WDR44: variants seen among roughly 807,000 people sequenced by gnomAD.
WDR44 encodes the protein WD repeat domain 44.
WDR44 carries 9 observed loss-of-function variants against 65.7 expected under a neutral mutation model. The ratio of observed to expected loss-of-function variants is 0.14; its 90% CI spans 0.08 to 0.24. The LOEUF (loss-of-function observed/expected upper bound fraction) is 0.24, where lower values mean the gene tolerates loss of function less well. WDR44 is among the 10% of genes least tolerant of loss of function. The pLI is 1.00. For synonymous variants in WDR44, 220 were observed against 235.2 expected (o/e 0.94, Z 0.59); for missense variants, 425 against 670.9 (o/e 0.63, Z 4.05).
At chrX:118,441,672 G>A (rs1216992807) in intron 15 of WDR44, 113 bp downstream of exon 15, 2 of 581,173 alleles carry the variant, frequency 3.4e-6, no homozygotes, top group African/African-American at 4.6e-5. Context: ...TCTAAATAGA[G>A]ACAAATAATA....
At chrX:118,367,101 T>C (rs2056561062) in intron 1 of WDR44, among the ~76,000 whole-genome samples, 1 of 108,970 alleles carries the variant, frequency 9.2e-6, no homozygotes, top group Admixed American at 9.7e-5. Context: ...AAAAAAAAAA[T>C]GAAATGGTTT....
chrX:118,424,515 C>G (rs2057139942), intron 12 of WDR44, among the ~76,000 whole-genome samples: 1 of 107,698 alleles, frequency 9.3e-6, no homozygotes, highest in African/African-American at 3.4e-5. Context: ...GGTCCTTTGC[C>G]TATTTTAAAA....
intron 1 of WDR44, among the ~76,000 whole-genome samples, chrX:118,371,257 C>T (rs751336429): frequency 5.4e-5 from 6 of 111,552 alleles, no homozygotes; most frequent in South Asian, 3.7e-4. Flanking sequence ...ATGATGAACT[C>T]GTAGAAGCAG....
intron 12 of WDR44, among the ~76,000 whole-genome samples, chrX:118,430,194 GTTT>G (rs201065574): frequency 1.0e-5 from 1 of 97,464 alleles, no homozygotes; most frequent in South Asian, 4.6e-4. Context: ...TAATTTTTCT[GTTT>G]TTTTTTTTTT....
At chrX:118,424,574 G>C (rs2057140485) in intron 12 of WDR44, among the ~76,000 whole-genome samples, 1 of 108,550 alleles carries the variant, frequency 9.2e-6, no homozygotes, top group Non-Finnish European at 1.9e-5. Context: ...CAGTTGTAGG[G>C]GTTTCTTACA....
At chrX:118,348,509 T>C (rs1260144728) in intron 1 of WDR44, among the ~76,000 whole-genome samples, 2 of 112,209 alleles carry the variant, frequency 1.8e-5, no homozygotes, top group African/African-American at 6.5e-5. Context: ...GTTCTATGGA[T>C]AAAACTACAG....
rs111244429 is a variant in WDR44, at chrX:118,391,209, G to A, written c.187-1423G>A. Among the ~76,000 whole-genome samples, 1,007 of 111,681 alleles carry A rather than the reference G, an allele frequency of 9.0e-3. 19 individuals carry two copies. The highest frequency in any genetic ancestry group is 0.031 in the African/African-American group (960 of 30,737). Reference sequence around the variant, plus strand: ...GCTAAGCTTTTTGAAAACTCAGACCGTGCTAATGTCTCTGTATCTTCACCT... The same window carrying A: ...GCTAAGCTTTTTGAAAACTCAGACCATGCTAATGTCTCTGTATCTTCACCT... On this transcript the variant is annotated intron_variant, in intron 3 of 19. Coordinates refer to ENST00000254029, the MANE Select transcript of WDR44 (RefSeq NM_019045.5).
chrX:118,445,613 T>A (rs2057339254), intron 19 of WDR44, among the ~76,000 whole-genome samples: 1 of 112,624 alleles, frequency 8.9e-6, no homozygotes, highest in Non-Finnish European at 1.9e-5. Context: ...TACAAGTTTG[T>A]AATTTCTTGC....
intron 15 of WDR44, 36 bp from the exon 16 acceptor site, chrX:118,442,208 T>C (rs1163571801): frequency 1.8e-6 from 2 of 1,128,649 alleles, no homozygotes; most frequent in East Asian, 6.0e-5. Context: ...CACATGCTCC[T>C]AATTCTAATA....
At chrX:118,407,515 A>AAG (rs2056978161) in intron 10 of WDR44, among the ~76,000 whole-genome samples, 1 of 110,555 alleles carries the variant, frequency 9.0e-6, no homozygotes, top group African/African-American at 3.3e-5. Flanking sequence ...AAAAAAAAAA[A>AAG]AAAGAAAGAA....
chrX:118,442,645 C>T lies in WDR44; in HGVS notation c.2349C>T (p.Tyr783=). Reference sequence around the variant, plus strand: ...CACTATCCATGAAGTATAAGGGTTACGTCAATAGCAGCAGCCAGATCAAAG... The same window carrying T: ...CACTATCCATGAAGTATAAGGGTTATGTCAATAGCAGCAGCCAGATCAAAG... ...DLSLSMKYKG[Y]VNSSSQIKAS... is the part of the protein sequence containing the mutation. The change falls in exon 17 of 20, where the codon TAC becomes TAT. Residue 783 remains tyrosine (Y), a synonymous_variant. Transcript: ENST00000254029. 2.5e-6 allele frequency: 3 copies of T among 1,210,662 alleles called. No homozygotes were observed. The highest frequency in any genetic ancestry group is 2.2e-6 in the Non-Finnish European group (2 of 894,803).
At chrX:118,424,265 T>TTATATATA (rs368098490) in intron 12 of WDR44, among the ~76,000 whole-genome samples, 2 of 77,229 alleles carry the variant, frequency 2.6e-5, no homozygotes, top group African/African-American at 1.3e-4. Flanking sequence ...ACTTGTTATC[T>TTATATATA]TATATATATA....
At chrX:118,445,152 G>A (rs765824421) in intron 19 of WDR44, 28 of 235,045 alleles carry the variant, frequency 1.2e-4, no homozygotes, top group Admixed American at 6.9e-4. Flanking sequence ...AAAATTAGCC[G>A]GGCATGGTGG....
rs111300617 is a variant in WDR44 at position 118,439,648 on chromosome X, C to CT, written c.1975-1719dup. Among the ~76,000 whole-genome samples the CT allele has an allele frequency of 2.5e-4, 28 of 111,253 alleles. 1 individual carries two copies. The highest frequency in any genetic ancestry group is 8.8e-4 in the African/African-American group (27 of 30,601). ...TATGTGACAATTCTGAATTAGAAGA[C>CT]TAAGTTAAAGTATTTTTACTTGTTC... On this transcript the variant is annotated intron_variant, in intron 14 of 19. Transcript: ENST00000254029.
intron 3 of WDR44, among the ~76,000 whole-genome samples, chrX:118,389,884 TTTTA>T (rs755587014): frequency 9.3e-6 from 1 of 107,874 alleles, no homozygotes; most frequent in Non-Finnish European, 1.9e-5. Context: ...ACTGTCTGCT[TTTTA>T]TTTATTTATT....
chrX:118,398,450 T>G lies in WDR44; in HGVS notation c.1254T>G (p.Gly418=). Residue 418 remains glycine (G), a synonymous_variant, in exon 8 of 20, where the codon GGT becomes GGG. Transcript: ENST00000254029. ...AGTCTCAGCCAACAGATACTGATGG[T>G]GGAAGGTTAAAACAGAAAACGTGAG... ...KLQSQPTDTD[G]GRLKQKTTQL... 1 of 1,208,172 alleles carries G rather than the reference T, an allele frequency of 8.3e-7. No homozygotes were observed. The highest frequency in any genetic ancestry group is 1.8e-5 in the South Asian group (1 of 56,719).
At chrX:118,384,653 C>T (rs1202367372) in intron 2 of WDR44, among the ~76,000 whole-genome samples, 4 of 111,741 alleles carry the variant, frequency 3.6e-5, no homozygotes, top group Non-Finnish European at 7.5e-5. Context: ...TTTGCCTTGG[C>T]TATTCAGGCT....
chrX:118,380,085 T>A (rs2056701147), intron 2 of WDR44, among the ~76,000 whole-genome samples: 1 of 112,254 alleles, frequency 8.9e-6, no homozygotes, highest in Admixed American at 9.5e-5. Context: ...ACATATTTAG[T>A]AAATAAATAT....
intron 8 of WDR44, 74 bp downstream of exon 8, chrX:118,398,544 T>C: frequency 1.2e-6 from 1 of 866,995 alleles, no homozygotes; most frequent in Non-Finnish European, 1.7e-6. Flanking sequence ...CATACTATTT[T>C]AAATCATGCT....
Sources: gnomAD v4.1 joint callset for allele counts (sites outside exome capture counted in the v4.1 genomes callset) on GRCh38, gnomAD v4.1.1 for gene constraint, MANE v1.5 for transcripts, NCBI Gene and HGNC (gene_info 2026-07-23, HGNC 2026-07-21) for gene names.